Variants in EML6 observed in about 807,000 individuals in gnomAD.
EML6 encodes echinoderm microtubule-associated protein-like 6.
A neutral mutation model predicts 240.1 loss-of-function variants in EML6; 154 were observed. The observed-to-expected ratio is 0.64, with a 90% CI of 0.56 to 0.73. The LOEUF (loss-of-function observed/expected upper bound fraction) is 0.73. Ranked by LOEUF, EML6 falls within the 30% of genes least tolerant of loss-of-function variation. The pLI is 0.00. For missense variants in EML6, 2,964 were observed against 2,474.6 expected, an observed-to-expected ratio of 1.20 and a Z score of -4.20; for synonymous variants, 1,148 against 899.0, an observed-to-expected ratio of 1.28 and a Z score of -4.95.
At position 54,871,584 on chromosome 2, in the gene EML6, G is replaced by C. The variant is rs1292325161; in HGVS notation, c.2323G>C (p.Val775Leu). The C allele has an allele frequency of 2.6e-6, 4 of 1,551,402 alleles. No individual in the cohort carries two copies. Among genetic ancestry groups the C allele is most frequent in the Middle Eastern group, 1.7e-4 (1 of 6,010 alleles). ...SLLKGQHQRG[V>L]CALDFSADGK... The stretch of plus-strand genomic sequence containing the variant: ...GTTGAAAGGACAACATCAGAGAGGA[G>C]TGTGTGCACTTGATTTTTCAGGTAA... Residue 775 changes from valine to leucine, a missense_variant, in exon 16 of 42, where the codon GTG (valine) becomes CTG (leucine). Transcript: ENST00000356458.
At chr2:54,832,107 G>A (rs1041707973) in intron 7 of EML6, among the ~76,000 whole-genome samples, 12 of 152,180 alleles carry the variant, frequency 7.9e-5, no homozygotes, top group African/African-American at 2.9e-4. Flanking sequence ...AGCATCAAAA[G>A]AGATGCCTTC....
intron 26 of EML6, among the ~76,000 whole-genome samples, chr2:54,925,599 G>C (rs1674501278): frequency 6.6e-6 from 1 of 152,104 alleles, no homozygotes; most frequent in South Asian, 2.1e-4. Context: ...TGCCAGACAA[G>C]TATCTTTATT....
At position 54,970,056 on chromosome 2, in the gene EML6, G is replaced by A. The variant is rs1346135583; in HGVS notation, c.5853-15G>A. 6.4e-7 allele frequency: 1 copy of A among 1,551,620 alleles called. No homozygotes were observed. The highest frequency in any genetic ancestry group is 8.7e-7 in the Non-Finnish European group (1 of 1,146,936). ...GTCCAGCTATGCAAAATGACTGTTT[G>A]ATCTGCCTTTTCAGTGTATTTGTGT... On this transcript the variant is annotated splice_polypyrimidine_tract_variant and intron_variant, in intron 41 of 41. Coordinates refer to ENST00000356458, the MANE Select transcript of EML6 (RefSeq NM_001039753.4).
At chr2:54,791,933 A>C (rs1669477994) in intron 2 of EML6, among the ~76,000 whole-genome samples, 1 of 152,184 alleles carries the variant, frequency 6.6e-6, no homozygotes, top group Admixed American at 6.5e-5. Context: ...AAGGAGTAAC[A>C]TGTCTTGTTT....
intron 26 of EML6, among the ~76,000 whole-genome samples, chr2:54,921,123 G>C (rs537096914): frequency 6.6e-6 from 1 of 151,912 alleles, no homozygotes; most frequent in Non-Finnish European, 1.5e-5. Flanking sequence ...AATTAAGCAA[G>C]CAAAAGAGAG....
At chr2:54,803,603 A>G (rs1484667191) in intron 2 of EML6, among the ~76,000 whole-genome samples, 2 of 152,176 alleles carry the variant, frequency 1.3e-5, no homozygotes, top group African/African-American at 4.8e-5. Context: ...ATTTTGACCA[A>G]GCTGGTGAGG....
At chr2:54,731,628 A>G (rs746286813) in intron 2 of EML6, among the ~76,000 whole-genome samples, 231 of 151,082 alleles carry the variant, frequency 1.5e-3, no homozygotes, top group Middle Eastern at 0.014. Context: ...AAAAATATAT[A>G]TATATATGAC....
At chr2:54,872,412 C>T (rs976704093) in intron 16 of EML6, among the ~76,000 whole-genome samples, 1 of 152,058 alleles carries the variant, frequency 6.6e-6, no homozygotes, top group Admixed American at 6.6e-5. Flanking sequence ...TCCATGACTC[C>T]ACAAGCCTGA....
intron 25 of EML6, among the ~76,000 whole-genome samples, chr2:54,916,124 A>C (rs1673896989): frequency 6.6e-6 from 1 of 152,270 alleles, no homozygotes. Context: ...TCTAGAGCAT[A>C]CAGGATATTA....
At chr2:54,879,072 G>C (rs1671677539) in intron 16 of EML6, among the ~76,000 whole-genome samples, 1 of 152,188 alleles carries the variant, frequency 6.6e-6, no homozygotes, top group African/African-American at 2.4e-5. Context: ...CTAATTTGGA[G>C]AATTAACTGA....
intron 21 of EML6, among the ~76,000 whole-genome samples, chr2:54,896,539 G>A (rs904698332): frequency 6.6e-6 from 1 of 152,164 alleles, no homozygotes; most frequent in African/African-American, 2.4e-5. Context: ...TGCCCAGTTT[G>A]GTGATGGATA....
chr2:54,828,978 C>G (rs1254408451), intron 6 of EML6, among the ~76,000 whole-genome samples: 4 of 152,200 alleles, frequency 2.6e-5, no homozygotes, highest in African/African-American at 9.7e-5. Context: ...TTATTTTAGG[C>G]AGCAACTTCC....
At position 54,771,304 on chromosome 2, in the gene EML6, C is replaced by T. The variant is rs139458700; in HGVS notation, c.198-41928C>T. On this transcript the variant is annotated intron_variant, in intron 2 of 41. Coordinates refer to ENST00000356458, the MANE Select transcript of EML6 (RefSeq NM_001039753.4). The stretch of plus-strand genomic sequence containing the variant: ...TTCCAATTCTTTCTTTCTCATCACG[C>T]TCATTCTCTGTCATCCTGTGAGTCA... Among the ~76,000 whole-genome samples, 435 of 152,320 alleles carry T rather than the reference C, an allele frequency of 2.9e-3. 1 individual carries two copies. The highest frequency in any genetic ancestry group is 9.9e-3 in the African/African-American group (411 of 41,570).
chr2:54,940,567 A>C (rs1229898959), intron 28 of EML6, among the ~76,000 whole-genome samples: 2 of 152,196 alleles, frequency 1.3e-5, no homozygotes, highest in Non-Finnish European at 2.9e-5. Context: ...CACTTAATAC[A>C]CAGCAAACAA....
intron 26 of EML6, among the ~76,000 whole-genome samples, chr2:54,920,954 A>G (rs907390929): frequency 6.6e-6 from 1 of 152,230 alleles, no homozygotes; most frequent in East Asian, 1.9e-4. Context: ...ACAAAATTCA[A>G]CATCCTCTCA....
chr2:54,844,713 T>A (rs1156547667), intron 8 of EML6, among the ~76,000 whole-genome samples: 1 of 152,240 alleles, frequency 6.6e-6, no homozygotes, highest in African/African-American at 2.4e-5. Flanking sequence ...AAGTCTCAGA[T>A]GAAATTTTGA....
intron 11 of EML6, among the ~76,000 whole-genome samples, chr2:54,857,860 G>C (rs1025995130): frequency 5.3e-5 from 8 of 152,204 alleles, no homozygotes; most frequent in Non-Finnish European, 4.4e-5. Context: ...AGCGGGGAGA[G>C]AGGGCAGAAA....
intron 31 of EML6, among the ~76,000 whole-genome samples, chr2:54,953,231 C>T (rs554647555): frequency 5.9e-5 from 9 of 152,254 alleles, no homozygotes; most frequent in East Asian, 1.9e-4. Context: ...CTGTTGGAAA[C>T]GTGACTTATT....
intron 28 of EML6, among the ~76,000 whole-genome samples, chr2:54,938,957 G>A (rs6744548): frequency 0.31 from 46,765 of 152,036 alleles, 7,498 homozygotes; most frequent in Non-Finnish European, 0.33. Flanking sequence ...AGGGTTACAC[G>A]TAAAGCTCTC....
Sources: gnomAD v4.1 joint callset for allele counts (sites outside exome capture counted in the v4.1 genomes callset) on GRCh38, gnomAD v4.1.1 for gene constraint, MANE v1.5 for transcripts, NCBI Gene and HGNC (gene_info 2026-07-23, HGNC 2026-07-21) for gene names.